FBXO36: variants seen among roughly 807,000 people sequenced by gnomAD.
The protein encoded by FBXO36 is F-box protein 36.
FBXO36 carries 18 observed loss-of-function variants against 17.0 expected under a neutral mutation model. That is an observed-to-expected ratio of 1.06 (90% CI 0.73 to 1.57). The LOEUF is 1.57. Among genes scored for constraint, FBXO36 ranks in the 40% most tolerant of loss-of-function variants. The pLI is 0.00. For synonymous variants in FBXO36, 83 were observed against 85.3 expected (o/e 0.97, Z 0.15); for missense variants, 229 against 221.9 (o/e 1.03, Z -0.20).
chr2:229,974,113 A>G (rs1351283171), intron 1 of FBXO36, among the ~76,000 whole-genome samples: 2 of 152,236 alleles, frequency 1.3e-5, no homozygotes, highest in Admixed American at 6.5e-5. Flanking sequence ...TACATGGAAC[A>G]TAATTGAATC....
intron 1 of FBXO36, among the ~76,000 whole-genome samples, chr2:229,972,686 A>G (rs2077186867): frequency 6.6e-6 from 1 of 151,846 alleles, no homozygotes; most frequent in Non-Finnish European, 1.5e-5. Flanking sequence ...AGCCTCCCAA[A>G]GTGGTTGCAG....
At chr2:229,963,385 T>C (rs2077134201) in intron 1 of FBXO36, among the ~76,000 whole-genome samples, 1 of 150,760 alleles carries the variant, frequency 6.6e-6, no homozygotes. Flanking sequence ...TTTTTTTAGC[T>C]TTTGCCAGTA....
chr2:229,988,766 C>T (rs1351250096), intron 2 of FBXO36, among the ~76,000 whole-genome samples: 1 of 151,286 alleles, frequency 6.6e-6, no homozygotes, highest in Non-Finnish European at 1.5e-5. Context: ...GAACTCCTGA[C>T]CTCAGGTGAC....
At position 230,006,625 on chromosome 2, in the gene FBXO36, G is replaced by A. The variant is rs139152822; in HGVS notation, c.379-4071G>A. Among the ~76,000 whole-genome samples, 304 of 152,310 alleles carry A rather than the reference G, an allele frequency of 2.0e-3. 2 individuals are homozygous for A. The highest frequency in any genetic ancestry group is 7.1e-3 in the African/African-American group (295 of 41,568). ...AGATGCACGTGTCCCTGCCTTTAAG[G>A]AGCTTACATTCTTGAGCAGAGCAAA... is the stretch of plus-strand genomic sequence containing the variant. On this transcript the variant is annotated intron_variant, in intron 3 of 3. Transcript: ENST00000283946.
At chr2:229,976,873 T>G (rs2106195258) in intron 2 of FBXO36, 1 of 152,158 alleles carries the variant, frequency 6.6e-6, no homozygotes, top group African/African-American at 2.4e-5. Flanking sequence ...GAAGTTAAAA[T>G]CAAGTAAATA....
intron 2 of FBXO36, among the ~76,000 whole-genome samples, chr2:229,988,848 T>G (rs867033551): frequency 0.015 from 2,215 of 150,324 alleles, 24 homozygotes; most frequent in African/African-American, 0.026. Context: ...TTTTTTGTTT[T>G]TTTTTTTTTA....
At chr2:229,968,549 C>A (rs1192685924) in intron 1 of FBXO36, among the ~76,000 whole-genome samples, 2 of 152,160 alleles carry the variant, frequency 1.3e-5, no homozygotes, top group Non-Finnish European at 2.9e-5. Context: ...CTCACTGCTG[C>A]CTTGACCTTC....
intron 1 of FBXO36, chr2:229,937,902 C>G (rs953943482): frequency 3.9e-5 from 6 of 152,186 alleles, no homozygotes; most frequent in African/African-American, 1.4e-4. Context: ...TTCTTGATAG[C>G]ACTTACCATG....
At chr2:230,009,390 G>A (rs758531505) in intron 3 of FBXO36, among the ~76,000 whole-genome samples, 17 of 152,196 alleles carry the variant, frequency 1.1e-4, no homozygotes, top group Non-Finnish European at 2.4e-4. Flanking sequence ...TCCCATTTCT[G>A]TGTTACTTTG....
At chr2:229,939,137 T>G (rs1194019050) in intron 1 of FBXO36, 1 of 675,428 alleles carries the variant, frequency 1.5e-6, no homozygotes, top group Admixed American at 7.3e-5. Flanking sequence ...CACCGCAACC[T>G]CCGGTTCCCG....
At chr2:229,995,588 C>CTTTTTTTTTTTTTTTTTTTTTTTT (rs1560454291) in intron 2 of FBXO36, among the ~76,000 whole-genome samples, 2 of 121,346 alleles carry the variant, frequency 1.6e-5, no homozygotes. Context: ...CTTTCTCTTT[C>CTTTTTTTTTTTTTTTTTTTTTTTT]TTTCTTTCTT....
Position 229,954,033 on chromosome 2 carries a change from T to C in FBXO36, c.97-22208T>C, listed in dbSNP as rs115709625. Among the ~76,000 whole-genome samples, 1,326 of 151,960 alleles carry C rather than the reference T, an allele frequency of 8.7e-3. 13 individuals are homozygous for C. Among genetic ancestry groups the C allele is most frequent in the Middle Eastern group, 0.017 (5 of 294 alleles). The stretch of plus-strand genomic sequence containing the variant: ...GGCATGTGCCATCACGCCAGCTAAT[T>C]TATTTATTTTTGTAGAGACGGGGTC... On this transcript the variant is annotated intron_variant, in intron 1 of 3. Transcript: ENST00000283946.
At position 229,982,441 on chromosome 2, in the gene FBXO36, G is replaced by A. The variant is rs191074402; in HGVS notation, c.205+6092G>A. The stretch of plus-strand genomic sequence containing the variant: ...CTCTGACTATGACTCTCCTGCCTTC[G>A]TCTTTCCCTTATAAGGAACTTTGTG... On this transcript the variant is annotated intron_variant, in intron 2 of 3. Coordinates refer to ENST00000283946, the MANE Select transcript of FBXO36 (RefSeq NM_174899.5). Among the ~76,000 whole-genome samples the A allele has an allele frequency of 1.2e-3, 183 of 152,032 alleles. 1 individual carries two copies. The highest frequency in any genetic ancestry group is 6.8e-3 in the Middle Eastern group (2 of 294).
intron 3 of FBXO36, among the ~76,000 whole-genome samples, chr2:230,003,209 T>TAAA (rs397872634): frequency 9.6e-6 from 1 of 104,594 alleles, no homozygotes; most frequent in Non-Finnish European, 1.9e-5. Context: ...GACTCCGTCT[T>TAAA]AAAAAAAAAA....
At chr2:229,954,234 ATTTTTTTTTTTTT>A (rs60093081) in intron 1 of FBXO36, among the ~76,000 whole-genome samples, 3 of 71,376 alleles carry the variant, frequency 4.2e-5, no homozygotes, top group African/African-American at 1.5e-4. Context: ...AACCCTTTGG[ATTTTTTTTTTTTT>A]TTTTTTTTTT....
chr2:229,933,152 G>T (rs1404139234), intron 1 of FBXO36, among the ~76,000 whole-genome samples: 1 of 152,158 alleles, frequency 6.6e-6, no homozygotes, highest in Non-Finnish European at 1.5e-5. Context: ...AATCCATTTG[G>T]GAGGACGAGG....
At chr2:229,948,514 T>C (rs1368162500) in intron 1 of FBXO36, among the ~76,000 whole-genome samples, 4 of 60,500 alleles carry the variant, frequency 6.6e-5, no homozygotes, top group Non-Finnish European at 1.4e-4. Flanking sequence ...ACTTGGGCTT[T>C]AGAGAAAAAA....
intron 3 of FBXO36, among the ~76,000 whole-genome samples, chr2:230,009,955 AATAG>A (rs1480703954): frequency 4.0e-5 from 6 of 148,286 alleles, no homozygotes; most frequent in African/African-American, 1.0e-4. Flanking sequence ...AAAAAAAATA[AATAG>A]ATAGATAAAA....
intron 1 of FBXO36, chr2:229,942,689 AC>A (rs2077005895): frequency 6.6e-6 from 1 of 152,278 alleles, no homozygotes; most frequent in Non-Finnish European, 1.5e-5. Context: ...CTTGTCTCCC[AC>A]CACGTCTCTG....
Sources: allele counts gnomAD v4.1 joint callset (sites outside exome capture counted in the v4.1 genomes callset), GRCh38; gene constraint gnomAD v4.1.1; transcripts MANE v1.5; gene names NCBI Gene and HGNC (gene_info 2026-07-23, HGNC 2026-07-21).